Variants in CERS3 observed in about 807,000 individuals in gnomAD.
CERS3 encodes LAG1 homolog, ceramide synthase 3.
A neutral mutation model predicts 50.3 loss-of-function variants in CERS3; 33 were observed. The ratio of observed to expected loss-of-function variants is 0.66; its 90% confidence interval spans 0.50 to 0.88. The LOEUF is 0.88. Ranked by LOEUF, CERS3 falls within the 40% of genes least tolerant of loss-of-function variation. The probability of loss-of-function intolerance (pLI) is 0.00; values close to 1 mark genes in which losing one functional copy is unlikely to be tolerated. For missense variants in CERS3, 470 were observed against 460.3 expected (o/e 1.02, Z -0.19); for synonymous variants, 176 against 155.2 (o/e 1.13, Z -0.99).
chr15:100,403,316 G>A (rs1208896584), intron 11 of CERS3, among the ~76,000 whole-genome samples: 1 of 151,984 alleles, frequency 6.6e-6, no homozygotes, highest in East Asian at 1.9e-4. Context: ...AAGAAAAAAA[G>A]TTTCAAACAA....
intron 3 of CERS3, among the ~76,000 whole-genome samples, chr15:100,498,571 G>T (rs563970192): frequency 1.4e-4 from 22 of 152,214 alleles, no homozygotes; most frequent in Admixed American, 5.9e-4. Context: ...TAATTACCAG[G>T]GAATGAGTCC....
chr15:100,469,718 A>G (rs1406248406), intron 9 of CERS3, among the ~76,000 whole-genome samples: 1 of 152,208 alleles, frequency 6.6e-6, no homozygotes, highest in Non-Finnish European at 1.5e-5. Context: ...CATTTTGCAT[A>G]ATATAATGTT....
At chr15:100,427,930 TGA>T (rs2032917413) in intron 11 of CERS3, among the ~76,000 whole-genome samples, 1 of 152,080 alleles carries the variant, frequency 6.6e-6, no homozygotes, top group African/African-American at 2.4e-5. Flanking sequence ...AAAAAAGCAA[TGA>T]GAGAGCCACG....
chr15:100,466,766 T>G (rs1273458119), intron 10 of CERS3, among the ~76,000 whole-genome samples: 11 of 23,190 alleles, frequency 4.7e-4, no homozygotes, highest in African/African-American at 9.2e-4. Flanking sequence ...CCTTCCTTCC[T>G]TCCTTCCTTC....
intron 2 of CERS3, among the ~76,000 whole-genome samples, chr15:100,511,126 TA>T (rs991375967): frequency 5.9e-5 from 9 of 151,982 alleles, no homozygotes; most frequent in Non-Finnish European, 8.8e-5. Flanking sequence ...GCATCTCCAC[TA>T]AAAATACAAA....
intron 2 of CERS3, among the ~76,000 whole-genome samples, chr15:100,517,258 C>T (rs2036517317): frequency 6.6e-6 from 1 of 152,210 alleles, no homozygotes. Flanking sequence ...ATGGCAAGTG[C>T]CCTATATACT....
At chr15:100,471,284 A>G (rs1292766620) in intron 9 of CERS3, among the ~76,000 whole-genome samples, 2 of 151,958 alleles carry the variant, frequency 1.3e-5, no homozygotes. Flanking sequence ...GGTAATAATG[A>G]GCTAAACTTC....
intron 1 of CERS3, among the ~76,000 whole-genome samples, chr15:100,538,937 A>G (rs530449678): frequency 2.0e-5 from 3 of 152,182 alleles, no homozygotes; most frequent in African/African-American, 7.2e-5. Flanking sequence ...AATGCGTAAA[A>G]CTGAATGCCT....
At chr15:100,419,642 C>A (rs1258230192) in intron 11 of CERS3, among the ~76,000 whole-genome samples, 2 of 150,982 alleles carry the variant, frequency 1.3e-5, no homozygotes, top group African/African-American at 4.9e-5. Flanking sequence ...TTTTTCAGCA[C>A]CACACCACAC....
intron 2 of CERS3, among the ~76,000 whole-genome samples, chr15:100,512,345 G>A (rs2036368114): frequency 6.6e-6 from 1 of 152,146 alleles, no homozygotes; most frequent in South Asian, 2.1e-4. Flanking sequence ...TTGAGATCTG[G>A]GGCACACAGT....
At chr15:100,438,119 A>T (rs1438277163) in intron 11 of CERS3, among the ~76,000 whole-genome samples, 1 of 134,606 alleles carries the variant, frequency 7.4e-6, no homozygotes, top group African/African-American at 2.8e-5. Flanking sequence ...ATCTTGGCTC[A>T]CTGCAACCTC....
chr15:100,432,766 C>T (rs533259041), intron 11 of CERS3, among the ~76,000 whole-genome samples: 7 of 152,090 alleles, frequency 4.6e-5, no homozygotes, highest in South Asian at 2.1e-4. Context: ...GAGTCACGTA[C>T]GTTCGAAAGA....
chr15:100,452,266 T>A (rs2034200677), intron 11 of CERS3, among the ~76,000 whole-genome samples: 1 of 152,222 alleles, frequency 6.6e-6, no homozygotes, highest in African/African-American at 2.4e-5. Flanking sequence ...ACTGAAATTA[T>A]ATGTAGTATC....
At chr15:100,438,784 C>T (rs2033547136) in intron 11 of CERS3, among the ~76,000 whole-genome samples, 2 of 152,244 alleles carry the variant, frequency 1.3e-5, no homozygotes, top group Non-Finnish European at 2.9e-5. Context: ...TGTCTGCATG[C>T]TACAGTTCCC....
chr15:100,498,645 C>G (rs536996893), intron 3 of CERS3, among the ~76,000 whole-genome samples: 39 of 152,278 alleles, frequency 2.6e-4, no homozygotes, highest in Non-Finnish European at 2.4e-4. Context: ...CCCAGACGGC[C>G]CCCCCTTTGT....
intron 11 of CERS3, among the ~76,000 whole-genome samples, chr15:100,429,949 A>G (rs1229858915): frequency 6.6e-6 from 1 of 151,614 alleles, no homozygotes; most frequent in Non-Finnish European, 1.5e-5. Flanking sequence ...TTTTTTATAT[A>G]TTTATATATA....
At chr15:100,480,073 T>C (rs1352703315) in intron 5 of CERS3, 27 bp from the exon 6 acceptor site, 2 of 1,553,276 alleles carry the variant, frequency 1.3e-6, no homozygotes, top group East Asian at 2.2e-5. Context: ...AAATCTTTAC[T>C]CCCTTGTAAA....
chr15:100,533,619 G>A (rs1466980700), upstream of CERS3, among the ~76,000 whole-genome samples: 9 of 131,404 alleles, frequency 6.8e-5, no homozygotes, highest in East Asian at 2.2e-4. Flanking sequence ...GTGCAGTGGC[G>A]CAATCTCAGC....
At chr15:100,453,141 C>T (rs560960235) in intron 11 of CERS3, among the ~76,000 whole-genome samples, 1 of 151,818 alleles carries the variant, frequency 6.6e-6, no homozygotes, top group African/African-American at 2.4e-5. Context: ...TTCTCCCTAA[C>T]TCATTCTACA....
Sources: allele counts gnomAD v4.1 joint callset (sites outside exome capture counted in the v4.1 genomes callset), GRCh38; gene constraint gnomAD v4.1.1; transcripts MANE v1.5; gene names NCBI Gene and HGNC (gene_info 2026-07-23, HGNC 2026-07-21).